The following DLGAP3 variants were observed in gnomAD, a reference collection of about 807,000 sequenced individuals.
DLGAP3 encodes the protein disks large-associated protein 3.
A neutral mutation model predicts 81.2 loss-of-function variants in DLGAP3; 17 were observed. The ratio of observed to expected loss-of-function variants is 0.21; its 90% CI spans 0.14 to 0.31. The LOEUF (loss-of-function observed/expected upper bound fraction) is 0.31, where lower values mean the gene tolerates loss of function less well. Ranked by LOEUF, DLGAP3 falls within the 10% of genes least tolerant of loss-of-function variation. The probability of loss-of-function intolerance (pLI) is 1.00; values close to 1 mark genes in which losing one functional copy is unlikely to be tolerated. For synonymous variants in DLGAP3, 577 were observed against 587.4 expected (o/e 0.98, Z 0.26); for missense variants, 1,124 against 1,388.0 (o/e 0.81, Z 3.02).
rs938150240 is a variant in DLGAP3 at position 34,865,922 on chromosome 1, G to A, written c.*161C>T. On this transcript the variant is annotated 3_prime_UTR_variant, in exon 12 of 12. Transcript: ENST00000373347. ...GGGCGCCTTCGCGTGGGATCAGGAA[G>A]GTAAAAAACCCACGAGAGTGTGACG... 2 of 720,858 alleles carry A rather than the reference G, an allele frequency of 2.8e-6. No individual in the cohort carries two copies. Among genetic ancestry groups the A allele is most frequent in the African/African-American group, 1.8e-5 (1 of 55,670 alleles). The allele number at this position is 720,858 out of a possible 1,614,324, so 44.7% of individuals were successfully genotyped here.
At position 34,908,541 on chromosome 1, in the gene DLGAP3, G is replaced by A. The variant is rs188645420; in HGVS notation, c.-134-1104C>T. On this transcript the variant is annotated intron_variant, in intron 1 of 11. Coordinates refer to ENST00000373347, the MANE Select transcript of DLGAP3 (RefSeq NM_001080418.3). ...GAGAGAGAAAATCAGAAAGGAAGAC[G>A]ACTCTGAAGTTTGCAGCAGCCGTGA... 7.8e-4 allele frequency among the ~76,000 whole-genome samples: 119 copies of A among 152,274 alleles called. 1 individual carries two copies. The Middle Eastern group carries it at 0.01, about 13-fold the overall frequency.
At chr1:34,887,766 T>C (rs1240382071) in intron 5 of DLGAP3, among the ~76,000 whole-genome samples, 1 of 152,198 alleles carries the variant, frequency 6.6e-6, no homozygotes, top group African/African-American at 2.4e-5. Context: ...CCTAGCAGAA[T>C]GGCCTGGGAA....
At chr1:34,920,785 T>A (rs1027185149) in intron 1 of DLGAP3, among the ~76,000 whole-genome samples, 1 of 152,220 alleles carries the variant, frequency 6.6e-6, no homozygotes, top group African/African-American at 2.4e-5. Context: ...CTGGACACTG[T>A]AGATACAGCA....
intron 1 of DLGAP3, among the ~76,000 whole-genome samples, chr1:34,927,629 C>T (rs2148423416): frequency 6.6e-6 from 1 of 152,250 alleles, no homozygotes; most frequent in Admixed American, 6.5e-5. Context: ...GCCCTCCCAG[C>T]TCCCTTTTTA....
intron 8 of DLGAP3, among the ~76,000 whole-genome samples, chr1:34,876,496 G>A (rs150186064): frequency 7.9e-4 from 121 of 152,336 alleles, no homozygotes; most frequent in African/African-American, 2.9e-3. Flanking sequence ...GGCCAGGCGA[G>A]GCTGCTGGAA....
chr1:34,927,183 C>T (rs188349039), intron 1 of DLGAP3, among the ~76,000 whole-genome samples: 3 of 152,202 alleles, frequency 2.0e-5, no homozygotes, highest in African/African-American at 4.8e-5. Flanking sequence ...GAGTCCCAAG[C>T]TGAAAGATGT....
At chr1:34,869,431 G>T (rs1355869909) in intron 8 of DLGAP3, among the ~76,000 whole-genome samples, 1 of 152,082 alleles carries the variant, frequency 6.6e-6, no homozygotes, top group Non-Finnish European at 1.5e-5. Context: ...AGGGGTCAGG[G>T]AGGAGCCAGG....
chr1:34,905,033 C>T lies in DLGAP3; in HGVS notation c.351G>A (p.Leu117=). The change falls in exon 3 of 12, where the codon CTG becomes CTA. Residue 117 remains leucine (L), a synonymous_variant. Transcript: ENST00000373347. ...GHPQGKGAPR[L]PPTLLDQFEK... Reference sequence around the variant, plus strand: ...CAAACTGATCCAGGAGTGTAGGAGGCAGGCGGGGGGCACCCTTGCCCTGTG... The same window carrying T: ...CAAACTGATCCAGGAGTGTAGGAGGTAGGCGGGGGGCACCCTTGCCCTGTG... 1 of 1,606,538 alleles carries T rather than the reference C, an allele frequency of 6.2e-7. No homozygotes were observed. The highest frequency in any genetic ancestry group is 1.1e-5 in the South Asian group (1 of 90,062).
rs1638872888 is a variant in DLGAP3 at position 34,866,150 on chromosome 1, T to C, written c.2873A>G (p.His958Arg). Residue 958 changes from histidine (H) to arginine (R), a missense_variant, in exon 12 of 12, where the codon CAC (histidine) becomes CGC (arginine). This residue lies in a region of DLGAP3 where 133 missense variants were observed against 171.1 expected (regional missense o/e 0.78). Coordinates refer to ENST00000373347, the MANE Select transcript of DLGAP3 (RefSeq NM_001080418.3). ...LAAKRAASFR[H>R]SSATESADSI... ...GTCGGCGCTCTCGGTGGCCGAGCTG[T>C]GGCGGAAGGAAGCGGCGCGCTTGGC... The C allele has an allele frequency of 5.0e-6, 8 of 1,598,558 alleles. No individual in the cohort carries two copies. Among genetic ancestry groups the C allele is most frequent in the Non-Finnish European group, 6.8e-6 (8 of 1,179,030 alleles).
At chr1:34,877,734 G>A (rs769772717) in intron 8 of DLGAP3, among the ~76,000 whole-genome samples, 2 of 152,302 alleles carry the variant, frequency 1.3e-5, no homozygotes, top group East Asian at 1.9e-4. Flanking sequence ...AATGTTAGAC[G>A]TTATTAGGAA....
chr1:34,886,005 G>A, intron 6 of DLGAP3, 67 bp downstream of exon 6: 7 of 1,470,642 alleles, frequency 4.8e-6, no homozygotes, highest in Non-Finnish European at 6.5e-6. Flanking sequence ...TCGAGGGGGA[G>A]GCCAGAACCC....
intron 1 of DLGAP3, among the ~76,000 whole-genome samples, chr1:34,916,853 G>A (rs116059544): frequency 0.023 from 3,498 of 152,054 alleles, 152 homozygotes; most frequent in African/African-American, 0.077. Flanking sequence ...GTGCCGCCAC[G>A]TCTGGCTAAT....
At chr1:34,916,696 ATTTTAT>A (rs1639723122) in intron 1 of DLGAP3, among the ~76,000 whole-genome samples, 1 of 99,670 alleles carries the variant, frequency 1.0e-5, no homozygotes, top group African/African-American at 3.7e-5. Flanking sequence ...ATTTTATTTT[ATTTTAT>A]TTTATTTATT....
chr1:34,879,072 AAAAAAAAAAG>A (rs1639103576), intron 8 of DLGAP3, among the ~76,000 whole-genome samples: 1 of 151,768 alleles, frequency 6.6e-6, no homozygotes, highest in Admixed American at 6.6e-5. Context: ...TCTGCCTCAA[AAAAAAAAAAG>A]AAAAAAAAAA....
rs1639922013 is a variant in DLGAP3 at position 34,929,364 on chromosome 1, G to A, written c.-135+87C>T. ...CGCCGGAGCCCGGGGCGTGGGCGGC[G>A]CCGGGGCCGCAGCCGGGCCGTGCCT... is the stretch of plus-strand genomic sequence containing the variant. On this transcript the variant is annotated intron_variant, in intron 1 of 11. Coordinates refer to ENST00000373347, the MANE Select transcript of DLGAP3 (RefSeq NM_001080418.3). This position sits in a 1 kb window ranked among gnomAD's most constrained non-coding sequence, Gnocchi z 6.5. 1 of 148,532 alleles carries A rather than the reference G, an allele frequency of 6.7e-6. No individual in the cohort carries two copies. Among genetic ancestry groups the A allele is most frequent in the Non-Finnish European group, 1.5e-5 (1 of 66,598 alleles). The allele number at this position is 148,532 out of a possible 1,614,324, so 9.2% of individuals were successfully genotyped here.
intron 1 of DLGAP3, among the ~76,000 whole-genome samples, chr1:34,909,849 C>G (rs143086644): frequency 9.9e-5 from 15 of 152,278 alleles, no homozygotes; most frequent in African/African-American, 3.6e-4. Flanking sequence ...AACAGATGTG[C>G]CTTTTATTCC....
At chr1:34,885,857 C>G in intron 6 of DLGAP3, 66 bp from the exon 7 acceptor site, 1 of 1,302,510 alleles carries the variant, frequency 7.7e-7, no homozygotes, top group Non-Finnish European at 1.0e-6. Flanking sequence ...CCTGGGCCCG[C>G]GCCCGACTCC....
Position 34,866,104 on chromosome 1 carries a change from G to A in DLGAP3, c.2919C>T (p.Pro973=), listed in dbSNP as rs762298052. Residue 973 remains proline (P), a synonymous_variant, in exon 12 of 12, where the codon CCC becomes CCT. Coordinates refer to ENST00000373347, the MANE Select transcript of DLGAP3 (RefSeq NM_001080418.3). The stretch of plus-strand genomic sequence containing the variant: ...CCGGTCACAGCCTGGTCTGGGCCTC[G>A]GGGATGTAGATCTCGATGCTGTCGG... ...ESADSIEIYI[P]EAQTRL 5 of 1,599,822 alleles carry A rather than the reference G, an allele frequency of 3.1e-6. 1 individual carries two copies. In the South Asian group the frequency reaches 3.3e-5, roughly 11 times the overall value.
chr1:34,883,408 C>T (rs1489327071), intron 8 of DLGAP3, among the ~76,000 whole-genome samples: 1 of 152,160 alleles, frequency 6.6e-6, no homozygotes, highest in Admixed American at 6.5e-5. Flanking sequence ...ATGTGGGGAA[C>T]CCCCACCCCC....
Sources: allele counts gnomAD v4.1 joint callset (sites outside exome capture counted in the v4.1 genomes callset), GRCh38; gene constraint gnomAD v4.1.1; regional missense constraint gnomAD v4.1.1; non-coding constraint Gnocchi (gnomAD v3.1); transcripts MANE v1.5; gene names NCBI Gene and HGNC (gene_info 2026-07-23, HGNC 2026-07-21).